The following KCNC4 variants were observed in gnomAD, a reference collection of about 807,000 sequenced individuals.
The protein encoded by KCNC4 is potassium voltage-gated channel subfamily C member 4.
Under a neutral mutation model 42.8 loss-of-function variants are expected in KCNC4, and 23 were observed. The ratio of observed to expected loss-of-function variants is 0.54; its 90% confidence interval spans 0.39 to 0.76. The LOEUF (loss-of-function observed/expected upper bound fraction) is 0.76. Ranked by LOEUF, KCNC4 falls within the 30% of genes least tolerant of loss-of-function variation. KCNC4 has a pLI of 0.00. For synonymous variants in KCNC4, 422 were observed against 393.5 expected (o/e 1.07, Z -0.86); for missense variants, 751 against 898.2 (o/e 0.84, Z 2.10).
At chr1:110,277,624 C>T (rs1196098414) in intron 1 of KCNC4, among the ~76,000 whole-genome samples, 1 of 152,220 alleles carries the variant, frequency 6.6e-6, no homozygotes. Context: ...CTGGTACACG[C>T]TGTTCTAAAC....
intron 3 of KCNC4, among the ~76,000 whole-genome samples, chr1:110,229,395 C>G (rs760351037): frequency 9.2e-5 from 14 of 152,176 alleles, no homozygotes; most frequent in Admixed American, 3.9e-4. Flanking sequence ...GAGGGAGGCC[C>G]TTCCCTCAGG....
chr1:110,257,330 A>G (rs1659351258), intron 1 of KCNC4, among the ~76,000 whole-genome samples: 1 of 152,136 alleles, frequency 6.6e-6, no homozygotes, highest in Non-Finnish European at 1.5e-5. Flanking sequence ...TCAGTTGGGA[A>G]AGTTTAGGGT....
At position 110,211,704 on chromosome 1, in the gene KCNC4, G is replaced by T. The variant is rs535148746; in HGVS notation, c.205G>T (p.Asp69Tyr). 2.5e-6 allele frequency: 4 copies of T among 1,609,078 alleles called. No homozygotes were observed. In the South Asian group the frequency reaches 4.4e-5, roughly 18 times the overall value. ...CCGCCTCGCCTGGCTGGCCGACCCC[G>T]ACGGCGGGGGCCGGCCCGAGACCGA... ...GTRLAWLADP[D>Y]GGGRPETDGG... Residue 69 changes from aspartate (D) to tyrosine (Y), a missense_variant, in exon 1 of 4, where the codon GAC becomes TAC. Transcript: ENST00000438661. This position sits in a 1 kb window ranked among gnomAD's most constrained non-coding sequence, Gnocchi z 6.5.
At chr1:110,272,094 G>C (rs991272689) in intron 1 of KCNC4, among the ~76,000 whole-genome samples, 1 of 152,170 alleles carries the variant, frequency 6.6e-6, no homozygotes, top group Middle Eastern at 3.2e-3. Flanking sequence ...ATCTTCTTCT[G>C]TGATCTGTCT....
At chr1:110,276,388 GGT>G (rs1223200195) in intron 1 of KCNC4, among the ~76,000 whole-genome samples, 6 of 151,238 alleles carry the variant, frequency 4.0e-5, no homozygotes, top group Non-Finnish European at 1.5e-5. Context: ...GGGTTTTCAT[GGT>G]GTTCAGGCAA....
chr1:110,226,244 A>C, intron 3 of KCNC4, 66 bp downstream of exon 3: 20 of 1,415,542 alleles, frequency 1.4e-5, no homozygotes, highest in Non-Finnish European at 1.9e-5. Flanking sequence ...GTCCCCCACC[A>C]AGAGCCTGAG....
intron 1 of KCNC4, among the ~76,000 whole-genome samples, chr1:110,271,615 T>C (rs1243121851): frequency 1.3e-5 from 2 of 152,156 alleles, no homozygotes; most frequent in Non-Finnish European, 2.9e-5. Flanking sequence ...AGCTTGTGAG[T>C]TCAGTGCCAG....
Position 110,232,763 on chromosome 1 carries a change from T to C in KCNC4, c.1820-148T>C. 3.9e-6 allele frequency: 6 copies of C among 1,536,730 alleles called. No individual in the cohort carries two copies. The South Asian group carries it at 4.8e-5, about 12-fold the overall frequency. The stretch of plus-strand genomic sequence containing the variant: ...CTGGTCTACTCCTTAGCCCACACCC[T>C]GTGGGTCAGCAGCTGGCTTCCTTCT... On this transcript the variant is annotated intron_variant, in intron 3 of 3. Transcript: ENST00000438661.
At chr1:110,273,441 A>G (rs1375685095) in intron 1 of KCNC4, among the ~76,000 whole-genome samples, 1 of 152,204 alleles carries the variant, frequency 6.6e-6, no homozygotes, top group Non-Finnish European at 1.5e-5. Flanking sequence ...CTTTGAGACG[A>G]AGAGTCTGGA....
At chr1:110,250,572 G>C (rs1659233241), downstream of KCNC4, among the ~76,000 whole-genome samples, 1 of 152,214 alleles carries the variant, frequency 6.6e-6, no homozygotes, top group Non-Finnish European at 1.5e-5. Flanking sequence ...GAAGGGCCAG[G>C]GGCACTGTCA....
chr1:110,249,865 T>C (rs1170488096), downstream of KCNC4, among the ~76,000 whole-genome samples: 1 of 152,200 alleles, frequency 6.6e-6, no homozygotes, highest in Non-Finnish European at 1.5e-5. Context: ...CTTCCCAAAC[T>C]GAGACTCTGC....
chr1:110,247,139 T>G (rs1659167002), exon 4 of KCNC4: 1 of 151,550 alleles, frequency 6.6e-6, no homozygotes, highest in African/African-American at 2.5e-5. Flanking sequence ...TTTCTTTATC[T>G]ACTAATCATC....
chr1:110,218,158 A>G (rs75845696), intron 1 of KCNC4, among the ~76,000 whole-genome samples: 69 of 152,154 alleles, frequency 4.5e-4, no homozygotes, highest in Admixed American at 1.1e-3. Context: ...GCAGTTCCCA[A>G]TGATTGGTGT....
At chr1:110,251,488 C>T (rs1557870785), downstream of KCNC4, among the ~76,000 whole-genome samples, 3 of 152,198 alleles carry the variant, frequency 2.0e-5, no homozygotes, top group East Asian at 3.8e-4. Context: ...GTGAGGCACC[C>T]CCAGCCATGT....
chr1:110,271,821 C>T (rs1659641490), intron 1 of KCNC4, among the ~76,000 whole-genome samples: 1 of 152,072 alleles, frequency 6.6e-6, no homozygotes, highest in Non-Finnish European at 1.5e-5. Flanking sequence ...GGGAATCTTC[C>T]CTCTTGCTGC....
chr1:110,266,110 A>G (rs1219042985), intron 1 of KCNC4, among the ~76,000 whole-genome samples: 1 of 152,188 alleles, frequency 6.6e-6, no homozygotes, highest in Non-Finnish European at 1.5e-5. Context: ...CTGCTTAAGT[A>G]CAATTCACCC....
chr1:110,242,194 C>T (rs572141220), exon 4 of KCNC4: 1 of 152,434 alleles, frequency 6.6e-6, no homozygotes, highest in African/African-American at 2.4e-5. Flanking sequence ...CTTCAGCCAT[C>T]TGGGCCTTTC....
At chr1:110,222,438 G>A (rs139117877) in intron 1 of KCNC4, 1 of 154,932 alleles carries the variant, frequency 6.5e-6, no homozygotes, top group Non-Finnish European at 1.4e-5. Context: ...TTTGAAATTT[G>A]TGTTTCTAAC....
exon 4 of KCNC4, chr1:110,246,203 T>C (rs814318): frequency 0.77 from 117,688 of 152,196 alleles, 45,921 homozygotes; most frequent in African/African-American, 0.85. Context: ...AAAGTCATCT[T>C]GCAGCCTTTT....
Sources: allele counts gnomAD v4.1 joint callset (sites outside exome capture counted in the v4.1 genomes callset), GRCh38; gene constraint gnomAD v4.1.1; non-coding constraint Gnocchi (gnomAD v3.1); transcripts MANE v1.5; gene names NCBI Gene and HGNC (gene_info 2026-07-23, HGNC 2026-07-21).